REV3L: variants seen among roughly 807,000 people sequenced by gnomAD.
The protein encoded by REV3L is DNA polymerase zeta catalytic subunit.
A neutral mutation model predicts 299.4 loss-of-function variants in REV3L; 69 were observed. That is an observed-to-expected ratio of 0.23 (90% confidence interval 0.19 to 0.28). The LOEUF (loss-of-function observed/expected upper bound fraction) is 0.28, where lower values mean the gene tolerates loss of function less well. Among genes scored for constraint, REV3L ranks in the 10% least tolerant of loss-of-function variants. The pLI, the probability that REV3L is intolerant of heterozygous loss-of-function variation, is 1.00. For missense variants in REV3L, 3,128 were observed against 3,693.8 expected, an observed-to-expected ratio of 0.85 and a Z score of 3.97; for synonymous variants, 1,238 against 1,271.4, an observed-to-expected ratio of 0.97 and a Z score of 0.56.
At chr6:111,438,074 G>A (rs1486918480) in intron 1 of REV3L, among the ~76,000 whole-genome samples, 2 of 151,136 alleles carry the variant, frequency 1.3e-5, no homozygotes, top group African/African-American at 4.9e-5. Context: ...GCTTAGACTG[G>A]TCTCAAACTC....
intron 21 of REV3L, 31 bp from the exon 22 acceptor site, chr6:111,335,641 C>G (rs969508060): frequency 6.4e-5 from 101 of 1,581,098 alleles, no homozygotes; most frequent in Non-Finnish European, 8.6e-5. Context: ...TTATGAACAT[C>G]AGGGAAAAAT....
intron 4 of REV3L, among the ~76,000 whole-genome samples, chr6:111,394,269 A>C (rs1782241310): frequency 6.6e-6 from 1 of 152,130 alleles, no homozygotes; most frequent in Admixed American, 6.5e-5. Flanking sequence ...AGTGTATAAG[A>C]GTTTCCTTTT....
In REV3L at chr6:111,367,817, T is replaced by C. The variant is rs1779380266; in HGVS notation, c.5971A>G (p.Lys1991Glu). The C allele has an allele frequency of 1.9e-6, 3 of 1,614,026 alleles. No homozygotes were observed. The African/African-American group carries it at 4.0e-5, about 22-fold the overall frequency. The change falls in exon 14 of 32, where the codon AAA (lysine) becomes GAA (glutamate). Residue 1991 changes from lysine to glutamate, a missense_variant. Lys to Glu is a moderately conservative substitution (Grantham distance 56). Around this residue, in one of 9 missense-constraint regions of REV3L, gnomAD observed 2,409 missense variants for 2,611.8 expected, o/e 0.92. Coordinates refer to ENST00000368802, the MANE Select transcript of REV3L (RefSeq NM_001372078.1). The stretch of plus-strand genomic sequence containing the variant: ...CATTTGCAAGGCATAATCACAATTT[T>C]TTTATCTTCAACCATCTTAGGGCTA... ...SNSPKMVEDKKIVIMPCKCAP... is the reference protein window; with the variant it reads ...SNSPKMVEDKEIVIMPCKCAP...
intron 6 of REV3L, among the ~76,000 whole-genome samples, chr6:111,389,727 A>ATTTT (rs10713895): frequency 6.1e-5 from 5 of 81,340 alleles, no homozygotes; most frequent in African/African-American, 8.7e-5. Flanking sequence ...TTGGTCATTA[A>ATTTT]TTTTTTTTTT....
At chr6:111,391,812 A>G (rs993802678) in intron 5 of REV3L, among the ~76,000 whole-genome samples, 2 of 152,010 alleles carry the variant, frequency 1.3e-5, no homozygotes, top group Non-Finnish European at 2.9e-5. Flanking sequence ...TTATAGTAAG[A>G]CCTCACCTCT....
intron 31 of REV3L, among the ~76,000 whole-genome samples, chr6:111,305,244 T>C (rs1347063714): frequency 6.6e-6 from 1 of 151,952 alleles, no homozygotes; most frequent in Non-Finnish European, 1.5e-5. Context: ...GCCCGGCCGA[T>C]TTTATTCTTT....
In REV3L at chr6:111,358,873, C is replaced by T. The variant is rs1482854907; in HGVS notation, c.7021G>A (p.Glu2341Lys). ...DTPLPDTEKT[E>K]LTGVIVIDKD... ...TCAATCACTATTACACCTGTGAGTT[C>T]TGTTTTTTCTGTATCTGGCAGTGGA... The change falls in exon 17 of 32, where the codon GAA (glutamate) becomes AAA (lysine). Residue 2341 changes from glutamate (E) to lysine (K), a missense_variant. This residue lies in a region of REV3L where 82 missense variants were observed against 142.7 expected (regional missense o/e 0.57). Coordinates refer to ENST00000368802, the MANE Select transcript of REV3L (RefSeq NM_001372078.1). The T allele has an allele frequency of 1.2e-6, 2 of 1,614,018 alleles. No homozygotes were observed. Among genetic ancestry groups the T allele is most frequent in the Admixed American group, 3.3e-5 (2 of 60,000 alleles).
chr6:111,335,937 T>C (rs1775851245), intron 21 of REV3L, among the ~76,000 whole-genome samples: 1 of 151,954 alleles, frequency 6.6e-6, no homozygotes, highest in African/African-American at 2.4e-5. Flanking sequence ...AAATTAACAT[T>C]CTCCTTTAAG....
intron 31 of REV3L, among the ~76,000 whole-genome samples, chr6:111,302,403 T>C (rs551108016): frequency 5.3e-5 from 8 of 152,366 alleles, no homozygotes; most frequent in African/African-American, 1.9e-4. Context: ...TGGAATTACT[T>C]GACTCACTAA....
At chr6:111,380,539 G>A (rs1419189411) in intron 10 of REV3L, among the ~76,000 whole-genome samples, 5 of 152,142 alleles carry the variant, frequency 3.3e-5, no homozygotes, top group African/African-American at 4.8e-5. Context: ...GATTACAGGC[G>A]TGAGCCACCA....
At chr6:111,341,959 C>T (rs924292613) in intron 21 of REV3L, among the ~76,000 whole-genome samples, 3 of 143,444 alleles carry the variant, frequency 2.1e-5, no homozygotes, top group Non-Finnish European at 3.1e-5. Context: ...TGTTAACAAC[C>T]TTGGCATTCA....
intron 1 of REV3L, among the ~76,000 whole-genome samples, chr6:111,461,792 A>C (rs1244098410): frequency 6.6e-6 from 1 of 152,088 alleles, no homozygotes; most frequent in Non-Finnish European, 1.5e-5. Context: ...ATAAATAAAT[A>C]AGCAAACCGC....
chr6:111,472,758 G>A (rs1418955197), intron 1 of REV3L, among the ~76,000 whole-genome samples: 4 of 151,756 alleles, frequency 2.6e-5, no homozygotes, highest in Non-Finnish European at 4.4e-5. Flanking sequence ...ACAGAGAGCT[G>A]GAAGAAACAC....
At chr6:111,381,485 TA>T in intron 9 of REV3L, 41 bp from the exon 10 acceptor site, 1 of 1,543,862 alleles carries the variant, frequency 6.5e-7, no homozygotes, top group Non-Finnish European at 8.8e-7. Flanking sequence ...AGCAATGGCC[TA>T]AATCCAAAAT....
chr6:111,349,694 A>C (rs1314634014), intron 19 of REV3L, among the ~76,000 whole-genome samples: 1 of 152,212 alleles, frequency 6.6e-6, no homozygotes, highest in Non-Finnish European at 1.5e-5. Flanking sequence ...AGCTGCTCGA[A>C]TAGCTGGGAC....
At chr6:111,305,540 T>C (rs1189580847) in intron 31 of REV3L, among the ~76,000 whole-genome samples, 3 of 152,024 alleles carry the variant, frequency 2.0e-5, no homozygotes, top group African/African-American at 7.3e-5. Flanking sequence ...TGAGCTGTAA[T>C]CATGCCACTG....
intron 14 of REV3L, 132 bp downstream of exon 14, chr6:111,366,983 A>T: frequency 2.9e-6 from 2 of 683,164 alleles, no homozygotes; most frequent in Non-Finnish European, 4.6e-6. Context: ...CGACTTTCTA[A>T]GACATGACGA....
chr6:111,321,066 A>C (rs1012987619), intron 26 of REV3L, among the ~76,000 whole-genome samples: 1 of 152,226 alleles, frequency 6.6e-6, no homozygotes, highest in African/African-American at 2.4e-5. Flanking sequence ...GTAGAGAGAA[A>C]GCATCAGCTA....
intron 27 of REV3L, among the ~76,000 whole-genome samples, chr6:111,314,910 G>A (rs1279880450): frequency 2.0e-5 from 3 of 148,520 alleles, no homozygotes; most frequent in East Asian, 2.0e-4. Flanking sequence ...GGAGTGCACC[G>A]GTCAATCACA....
Sources: gnomAD v4.1 joint callset for allele counts (sites outside exome capture counted in the v4.1 genomes callset) on GRCh38, gnomAD v4.1.1 for gene constraint, gnomAD v4.1.1 regional missense constraint, MANE v1.5 for transcripts, NCBI Gene and HGNC (gene_info 2026-07-23, HGNC 2026-07-21) for gene names.